PDE4D: variants seen among roughly 807,000 people sequenced by gnomAD.
The protein encoded by PDE4D is phosphodiesterase 4D.
A neutral mutation model predicts 87.4 loss-of-function variants in PDE4D; 24 were observed. The observed-to-expected ratio is 0.27, with a 90% confidence interval of 0.20 to 0.39. The LOEUF is 0.39. PDE4D is among the 10% of genes least tolerant of loss of function. The pLI is 1.00. For missense variants in PDE4D, 714 were observed against 1,041.0 expected (o/e 0.69, Z 4.32); for synonymous variants, 384 against 383.2 (o/e 1.00, Z -0.02).
intron 1 of PDE4D, among the ~76,000 whole-genome samples, chr5:59,615,337 G>A (rs1829530701): frequency 6.6e-6 from 1 of 152,118 alleles, no homozygotes; most frequent in South Asian, 2.1e-4. Flanking sequence ...TGACTTTCTG[G>A]TTCAGAGATA....
intron 3 of PDE4D, among the ~76,000 whole-genome samples, chr5:59,950,728 A>C (rs1042948495): frequency 6.6e-6 from 1 of 152,030 alleles, no homozygotes; most frequent in Non-Finnish European, 1.5e-5. Context: ...TTTGTAGTTA[A>C]AGTTTATTTT....
At chr5:60,299,799 C>A (rs562494066) in intron 1 of PDE4D, among the ~76,000 whole-genome samples, 19 of 152,274 alleles carry the variant, frequency 1.2e-4, no homozygotes, top group Non-Finnish European at 2.5e-4. Flanking sequence ...TCCAGTCTAT[C>A]ATTGGTGGGC....
At chr5:59,891,314 C>G (rs1245550549) in intron 1 of PDE4D, among the ~76,000 whole-genome samples, 3 of 152,168 alleles carry the variant, frequency 2.0e-5, no homozygotes, top group Non-Finnish European at 4.4e-5. Flanking sequence ...AATTAAGAAA[C>G]TCTACAAAAT....
intron 1 of PDE4D, among the ~76,000 whole-genome samples, chr5:59,536,475 A>G (rs561405749): frequency 5.2e-4 from 68 of 131,024 alleles, no homozygotes; most frequent in Middle Eastern, 4.7e-3. Context: ...ACTGCACTCC[A>G]GCCTGGGCAA....
rs116430130 is a variant in PDE4D at position 60,150,752 on chromosome 5, C to T, written c.42+34805G>A. Among the ~76,000 whole-genome samples the T allele has an allele frequency of 1.4e-3, 218 of 152,148 alleles. 1 individual carries two copies. Among genetic ancestry groups the T allele is most frequent in the African/African-American group, 4.9e-3 (205 of 41,538 alleles). On this transcript the variant is annotated intron_variant, in intron 2 of 16. Coordinates refer to the PDE4D transcript ENST00000502484. ...ATCTAAACAGAGATAGAAGACTTGGCCTCAATAATAAAGCTCACCCACTTC... is the reference window on the plus strand; with the variant it reads ...ATCTAAACAGAGATAGAAGACTTGGTCTCAATAATAAAGCTCACCCACTTC...
chr5:60,177,855 G>T (rs1343394276), intron 2 of PDE4D, among the ~76,000 whole-genome samples: 2 of 152,116 alleles, frequency 1.3e-5, no homozygotes, highest in African/African-American at 4.8e-5. Context: ...TAAGCCACAA[G>T]ATAATTTAAT....
At chr5:60,489,194 C>T (rs1583921366), upstream of PDE4D, among the ~76,000 whole-genome samples, 1 of 152,204 alleles carries the variant, frequency 6.6e-6, no homozygotes, top group Non-Finnish European at 1.5e-5. Context: ...CAAATCCTTC[C>T]AAATCCTTAG....
chr5:60,505,896 A>G (rs1221487713), intron 1 of PDE4D, among the ~76,000 whole-genome samples: 1 of 152,234 alleles, frequency 6.6e-6, no homozygotes, highest in African/African-American at 2.4e-5. Flanking sequence ...GCCAGTTGGC[A>G]GGCTTTTGGA....
Position 60,028,048 on chromosome 5 carries a change from C to G in PDE4D, c.43-39331G>C, listed in dbSNP as rs184170808. Among the ~76,000 whole-genome samples, 10 of 152,280 alleles carry G rather than the reference C, an allele frequency of 6.6e-5. No homozygotes were observed. The East Asian group carries it at 1.9e-3, about 29-fold the overall frequency. On this transcript the variant is annotated intron_variant, in intron 2 of 16. Coordinates refer to the PDE4D transcript ENST00000502484. ...AAACAGAGGACCCTGAAATACTTCTCTCTTATTTCACTTCTCCATTTGCTA... is the reference window on the plus strand; with the variant it reads ...AAACAGAGGACCCTGAAATACTTCTGTCTTATTTCACTTCTCCATTTGCTA...
At chr5:60,032,737 T>TA (rs1231899393) in intron 2 of PDE4D, 1 of 152,150 alleles carries the variant, frequency 6.6e-6, no homozygotes, top group Non-Finnish European at 1.5e-5. Context: ...ACATAGTTAT[T>TA]AAAAAATGTT....
chr5:59,464,924 G>A (rs986910286), intron 1 of PDE4D, among the ~76,000 whole-genome samples: 1 of 152,168 alleles, frequency 6.6e-6, no homozygotes, highest in African/African-American at 2.4e-5. Context: ...ATTTGAATAT[G>A]TATGGGCCTC....
intron 5 of PDE4D, among the ~76,000 whole-genome samples, chr5:59,140,000 T>A (rs528390546): frequency 6.6e-6 from 1 of 152,298 alleles, no homozygotes; most frequent in Admixed American, 6.5e-5. Context: ...AAGTCTGAGA[T>A]GTAAATTGCA....
At chr5:59,031,143 A>G (rs1286558842) in intron 6 of PDE4D, among the ~76,000 whole-genome samples, 2 of 152,136 alleles carry the variant, frequency 1.3e-5, no homozygotes, top group South Asian at 4.1e-4. Flanking sequence ...AATGTAAATT[A>G]GAACCACCAT....
At chr5:59,716,792 G>C (rs35808692) in intron 1 of PDE4D, among the ~76,000 whole-genome samples, 7,300 of 152,208 alleles carry the variant, frequency 0.048, 198 homozygotes, top group African/African-American at 0.062. Context: ...GTACTGAAAA[G>C]TTTAAAATCA....
At chr5:59,153,282 G>C (rs1779708081) in intron 5 of PDE4D, among the ~76,000 whole-genome samples, 1 of 152,278 alleles carries the variant, frequency 6.6e-6, no homozygotes, top group Non-Finnish European at 1.5e-5. Context: ...TTTCTTAAAT[G>C]CTACTCGGAC....
upstream of PDE4D, chr5:59,893,782 C>A: frequency 7.5e-7 from 1 of 1,338,152 alleles, no homozygotes; most frequent in Non-Finnish European, 9.5e-7. Context: ...AGCCTCAGGG[C>A]TACCGAGAGG....
chr5:59,818,055 A>G (rs983384297), intron 1 of PDE4D, among the ~76,000 whole-genome samples: 2 of 152,212 alleles, frequency 1.3e-5, no homozygotes, highest in African/African-American at 4.8e-5. Flanking sequence ...CATTGAGCAG[A>G]GAGCCCAGTG....
chr5:60,375,911 C>T (rs372146423), intron 1 of PDE4D, among the ~76,000 whole-genome samples: 50 of 152,150 alleles, frequency 3.3e-4, no homozygotes, highest in Non-Finnish European at 4.4e-4. Flanking sequence ...TGGTGGTACG[C>T]GCCTGTAGTC....
chr5:59,558,371 A>C (rs1416394989), intron 1 of PDE4D, among the ~76,000 whole-genome samples: 2 of 152,150 alleles, frequency 1.3e-5, no homozygotes, highest in Non-Finnish European at 2.9e-5. Context: ...GTTACATTGA[A>C]GTAGCTTTGG....
Sources: gnomAD v4.1 joint callset for allele counts (sites outside exome capture counted in the v4.1 genomes callset) on GRCh38, gnomAD v4.1.1 for gene constraint, MANE v1.5 for transcripts, NCBI Gene and HGNC (gene_info 2026-07-23, HGNC 2026-07-21) for gene names.